The following ZRANB1 variants were observed in gnomAD, a reference collection of about 807,000 sequenced individuals.
ZRANB1 encodes the protein zinc finger RANBP2-type containing 1.
In ZRANB1, 16 loss-of-function variants were observed where a neutral mutation model predicts 80.5. The observed-to-expected ratio is 0.20, with a 90% CI of 0.13 to 0.30. ZRANB1 has a LOEUF of 0.30. Among genes scored for constraint, ZRANB1 ranks in the 10% least tolerant of loss-of-function variants. The pLI is 1.00. For synonymous variants in ZRANB1, 291 were observed against 293.1 expected, an observed-to-expected ratio of 0.99 and a Z score of 0.07; for missense variants, 576 against 862.6, an observed-to-expected ratio of 0.67 and a Z score of 4.16.
intron 1 of ZRANB1, among the ~76,000 whole-genome samples, chr10:124,953,644 C>A (rs1036570860): frequency 6.6e-6 from 1 of 152,192 alleles, no homozygotes; most frequent in Non-Finnish European, 1.5e-5. Context: ...GTTTGCTCTG[C>A]TCATGTTGGC....
At chr10:124,919,256 A>C in the ZRANB1 span, among the ~76,000 whole-genome samples, 1 of 152,196 alleles carries the variant, frequency 6.6e-6, no homozygotes, top group Non-Finnish European at 1.5e-5. Flanking sequence ...TTACAAAAGT[A>C]GTCCACTGGC....
chr10:124,970,660 T>C (rs1390813457), intron 2 of ZRANB1, among the ~76,000 whole-genome samples: 1 of 152,154 alleles, frequency 6.6e-6, no homozygotes, highest in African/African-American at 2.4e-5. Context: ...TCTGCATATA[T>C]GATGTAGATA....
At chr10:124,938,702 T>C (rs1299209367), upstream of ZRANB1, among the ~76,000 whole-genome samples, 1 of 149,948 alleles carries the variant, frequency 6.7e-6, no homozygotes, top group African/African-American at 2.5e-5. Context: ...CTGTACATCA[T>C]TACGTTTTTT....
At chr10:124,945,666 C>T (rs889293684) in intron 1 of ZRANB1, 1 of 152,140 alleles carries the variant, frequency 6.6e-6, no homozygotes, top group African/African-American at 2.4e-5. Context: ...GAAATATTTT[C>T]TTTCCTTGAA....
Position 124,985,269 on chromosome 10 carries a change from T to TA in ZRANB1, c.*279dup, listed in dbSNP as rs150736900. The TA allele has an allele frequency of 3.7e-3, 1,263 of 338,474 alleles. 16 individuals are homozygous for TA. The highest frequency in any genetic ancestry group is 0.024 in the African/African-American group (1,162 of 47,636). 21.0% of individuals were successfully genotyped at this position (338,474 alleles called of 1,614,324 possible). ...CAAATTGTAAATCTGTCTATAAATG[T>TA]AACGCATGTGGTTGTGTAAGACATT... On this transcript the variant is annotated 3_prime_UTR_variant, in exon 9 of 9. Transcript: ENST00000359653.
At chr10:124,980,282 T>G (rs1161925107) in intron 5 of ZRANB1, among the ~76,000 whole-genome samples, 1 of 152,190 alleles carries the variant, frequency 6.6e-6, no homozygotes, top group Non-Finnish European at 1.5e-5. Context: ...GTATCAGAGT[T>G]TAGGTCTTGG....
At chr10:124,924,297 TAA>T in the ZRANB1 span, among the ~76,000 whole-genome samples, 8 of 137,014 alleles carry the variant, frequency 5.8e-5, no homozygotes, top group Admixed American at 1.5e-4. Flanking sequence ...CAGTTTTTTC[TAA>T]AAAAAAAAAA....
Position 124,942,423 on chromosome 10 carries a change from G to T in ZRANB1, c.-71G>T. The T allele has an allele frequency of 6.3e-7, 1 of 1,585,508 alleles. No homozygotes were observed. Among genetic ancestry groups the T allele is most frequent in the South Asian group, 1.1e-5 (1 of 88,184 alleles). Reference sequence around the variant, plus strand: ...AGCGTATTTTTGGAGGTGGAATGTAGTTATTTTAATAACCATGTCCTAATT... The same window carrying T: ...AGCGTATTTTTGGAGGTGGAATGTATTTATTTTAATAACCATGTCCTAATT... On this transcript the variant is annotated 5_prime_UTR_variant, in exon 1 of 9. The change abolishes the stop of an existing upstream ORF in the 5' untranslated region. Transcript: ENST00000359653.
At chr10:124,967,158 G>A (rs1193066958) in intron 2 of ZRANB1, among the ~76,000 whole-genome samples, 1 of 152,216 alleles carries the variant, frequency 6.6e-6, no homozygotes, top group East Asian at 1.9e-4. Flanking sequence ...GTAGAGAAAT[G>A]AACAGGTAAT....
At position 124,986,322 on chromosome 10, in the gene ZRANB1, C is replaced by CACACACAG. The variant is rs1491004823; in HGVS notation, c.*1331_*1332insCACACAGA. 1 of 152,102 alleles carries CACACACAG rather than the reference C, an allele frequency of 6.6e-6. No individual in the cohort carries two copies. The highest frequency in any genetic ancestry group is 1.5e-5 in the Non-Finnish European group (1 of 67,994). The allele number at this position is 152,102 out of a possible 1,614,324, so 9.4% of individuals were successfully genotyped here. The stretch of plus-strand genomic sequence containing the variant: ...ACACACACACACACACACACACACA[C>CACACACAG]AGTTTTTTCCTTCCCTGTGATGAAA... On this transcript the variant is annotated 3_prime_UTR_variant, in exon 9 of 9. Coordinates refer to ENST00000359653, the MANE Select transcript of ZRANB1 (RefSeq NM_017580.3).
chr10:124,945,237 GC>G (rs975561674), intron 1 of ZRANB1: 17 of 152,042 alleles, frequency 1.1e-4, no homozygotes, highest in African/African-American at 4.1e-4. Context: ...AGCAGTTACT[GC>G]CCCCTACCCC....
At chr10:124,961,006 GTTTT>G (rs869141836) in intron 1 of ZRANB1, among the ~76,000 whole-genome samples, 1 of 141,876 alleles carries the variant, frequency 7.0e-6, no homozygotes, top group Admixed American at 7.1e-5. Flanking sequence ...TTTGTTTTTT[GTTTT>G]TTTTTTTTAG....
At chr10:124,971,514 T>A (rs1951825187) in intron 2 of ZRANB1, among the ~76,000 whole-genome samples, 1 of 152,224 alleles carries the variant, frequency 6.6e-6, no homozygotes, top group Admixed American at 6.5e-5. Context: ...GTGCTTTTTT[T>A]AAGTCCAAGT....
chr10:124,942,990 C>T lies in ZRANB1; in HGVS notation c.497C>T (p.Ala166Val), dbSNP rs766485191. ...SVCTYENWAK[A>V]KRCVVCDHPR... ...TGCACATATGAAAACTGGGCCAAGG[C>T]TAAAAGATGTGTTGTTTGTGATCAT... Residue 166 changes from alanine to valine, a missense_variant, in exon 1 of 9, where the codon GCT becomes GTT. Around this residue, in one of 3 missense-constraint regions of ZRANB1, gnomAD observed 411 missense variants for 583.1 expected, o/e 0.70. Transcript: ENST00000359653. 1 of 1,614,016 alleles carries T rather than the reference C, an allele frequency of 6.2e-7. No individual in the cohort carries two copies.
rs142251229 is a variant in ZRANB1, at chr10:124,952,378, G to A, written c.814+9071G>A. On this transcript the variant is annotated intron_variant, in intron 1 of 8. Coordinates refer to ENST00000359653, the MANE Select transcript of ZRANB1 (RefSeq NM_017580.3). The stretch of plus-strand genomic sequence containing the variant: ...AGGCTTGAGAGAGTTGCAGGGCCCT[G>A]AGGCAAGGAATGCCAGCAGCCTCTA... Among the ~76,000 whole-genome samples the A allele has an allele frequency of 7.6e-4, 116 of 152,272 alleles. 1 individual carries two copies. In the Middle Eastern group the frequency reaches 0.02, roughly 27 times the overall value.
At chr10:124,962,409 G>A (rs1159229768) in intron 1 of ZRANB1, 1 of 985,116 alleles carries the variant, frequency 1.0e-6, no homozygotes, top group African/African-American at 1.7e-5. Context: ...GTGGGCTCAG[G>A]TAAGTCCTGG....
At chr10:124,973,816 A>G in intron 4 of ZRANB1, 100 bp downstream of exon 4, 2 of 1,048,064 alleles carry the variant, frequency 1.9e-6, no homozygotes. Context: ...AACTTGCTTT[A>G]TTTTTATTTT....
intron 1 of ZRANB1, among the ~76,000 whole-genome samples, chr10:124,956,983 C>G (rs1421989285): frequency 6.6e-6 from 1 of 152,114 alleles, no homozygotes; most frequent in Non-Finnish European, 1.5e-5. Context: ...GCATGTGTTT[C>G]CTAAGAACAA....
the ZRANB1 span, among the ~76,000 whole-genome samples, chr10:124,919,746 G>A: frequency 6.6e-6 from 1 of 150,704 alleles, no homozygotes; most frequent in African/African-American, 2.4e-5. Context: ...CGAGTAGCTG[G>A]GACTACAGGC....
Sources: allele counts gnomAD v4.1 joint callset (sites outside exome capture counted in the v4.1 genomes callset), GRCh38; gene constraint gnomAD v4.1.1; regional missense constraint gnomAD v4.1.1; transcripts MANE v1.5; gene names NCBI Gene and HGNC (gene_info 2026-07-23, HGNC 2026-07-21).